ATP10B: variants seen among roughly 807,000 people sequenced by gnomAD.
The protein encoded by ATP10B is phospholipid-transporting ATPase VB.
Under a neutral mutation model 141.2 loss-of-function variants are expected in ATP10B, and 122 were observed. The ratio of observed to expected loss-of-function variants is 0.86; its 90% CI spans 0.75 to 1.00. The LOEUF is 1.00. ATP10B is among the 50% of genes least tolerant of loss of function. The pLI is 0.00. For missense variants in ATP10B, 1,876 were observed against 1,825.3 expected (o/e 1.03, Z -0.51); for synonymous variants, 685 against 692.0 (o/e 0.99, Z 0.16).
intron 2 of ATP10B, among the ~76,000 whole-genome samples, chr5:160,764,412 G>A (rs951976359): frequency 6.6e-6 from 1 of 151,996 alleles, no homozygotes; most frequent in African/African-American, 2.4e-5. Flanking sequence ...TTAACTATAC[G>A]CAAGTCAATA....
the ATP10B span, among the ~76,000 whole-genome samples, chr5:160,866,987 T>C: frequency 3.3e-5 from 5 of 152,118 alleles, no homozygotes; most frequent in Admixed American, 1.3e-4. Context: ...CAGTGTAGTA[T>C]TGTGGCTAGG....
intron 22 of ATP10B, among the ~76,000 whole-genome samples, chr5:160,595,180 T>C (rs527448281): frequency 1.3e-5 from 2 of 152,306 alleles, no homozygotes; most frequent in African/African-American, 2.4e-5. Context: ...ACAGAAATTA[T>C]AGCAAACTGT....
chr5:160,781,288 T>C (rs892919216), intron 2 of ATP10B, among the ~76,000 whole-genome samples: 1 of 152,196 alleles, frequency 6.6e-6, no homozygotes, highest in Non-Finnish European at 1.5e-5. Context: ...GTGCTGTGGA[T>C]GCTGTTGGTC....
intron 2 of ATP10B, among the ~76,000 whole-genome samples, chr5:160,727,034 C>CA (rs1278143666): frequency 1.3e-5 from 2 of 152,100 alleles, no homozygotes; most frequent in Non-Finnish European, 2.9e-5. Flanking sequence ...TCAGCTCTCC[C>CA]AAAAATGTAT....
intron 21 of ATP10B, among the ~76,000 whole-genome samples, chr5:160,601,781 G>T (rs1757111159): frequency 6.6e-6 from 1 of 152,148 alleles, no homozygotes; most frequent in Admixed American, 6.6e-5. Context: ...CTGGAGTCAG[G>T]TAAGACTACC....
chr5:160,860,834 C>G, the ATP10B span, among the ~76,000 whole-genome samples: 2 of 151,850 alleles, frequency 1.3e-5, no homozygotes, highest in Non-Finnish European at 2.9e-5. Flanking sequence ...CTATATTTTT[C>G]AAGAAACAAG....
At chr5:160,890,641 T>A in the ATP10B span, among the ~76,000 whole-genome samples, 2 of 152,234 alleles carry the variant, frequency 1.3e-5, no homozygotes, top group African/African-American at 4.8e-5. Context: ...CGAGCAACAT[T>A]CCATTGTACT....
intron 2 of ATP10B, among the ~76,000 whole-genome samples, chr5:160,779,786 G>C (rs1770595459): frequency 1.3e-5 from 2 of 152,170 alleles, no homozygotes; most frequent in African/African-American, 4.8e-5. Context: ...TTCATCAATA[G>C]ACAAATAAAG....
At chr5:160,928,928 G>A in the ATP10B span, among the ~76,000 whole-genome samples, 2 of 152,148 alleles carry the variant, frequency 1.3e-5, no homozygotes, top group African/African-American at 2.4e-5. Context: ...AAGGAACCAC[G>A]ACCACATAGA....
At chr5:160,925,347 C>T in the ATP10B span, among the ~76,000 whole-genome samples, 1 of 152,194 alleles carries the variant, frequency 6.6e-6, no homozygotes, top group African/African-American at 2.4e-5. Context: ...ACTATTTAAG[C>T]TCGTCATACC....
At chr5:160,900,912 T>TTTG in the ATP10B span, among the ~76,000 whole-genome samples, 242 of 62,582 alleles carry the variant, frequency 3.9e-3, 2 homozygotes, top group Non-Finnish European at 7.9e-3. Context: ...AGAGAAGTTT[T>TTTG]TTTTTTTTTT....
chr5:160,816,997 G>A (rs1195122766), intron 1 of ATP10B, among the ~76,000 whole-genome samples: 2 of 152,132 alleles, frequency 1.3e-5, no homozygotes, highest in Admixed American at 6.6e-5. Context: ...TTGAAGGGAC[G>A]TATATCAAAA....
At position 160,814,502 on chromosome 5, in the gene ATP10B, C is replaced by T. The variant is rs1002171120; in HGVS notation, c.-575-28699G>A. 2.6e-4 allele frequency among the ~76,000 whole-genome samples: 39 copies of T among 150,180 alleles called. 1 individual carries two copies. The highest frequency in any genetic ancestry group is 8.5e-4 in the African/African-American group (35 of 41,222). ...GGACTATGTGAAAAGACCAAATCTA[C>T]GTCTGATTGGCGTACCTGAAAGTGA... On this transcript the variant is annotated intron_variant, in intron 1 of 25. Coordinates refer to ENST00000327245, the MANE Select transcript of ATP10B (RefSeq NM_025153.3).
intron 2 of ATP10B, among the ~76,000 whole-genome samples, chr5:160,723,910 G>A (rs192098553): frequency 4.6e-4 from 70 of 152,192 alleles, no homozygotes; most frequent in Non-Finnish European, 9.4e-4. Context: ...ACTGGATAAA[G>A]AAAATATGGT....
chr5:160,829,934 T>TG (rs1333965210), intron 1 of ATP10B, among the ~76,000 whole-genome samples: 1 of 152,148 alleles, frequency 6.6e-6, no homozygotes, highest in African/African-American at 2.4e-5. Flanking sequence ...CCTATCCGGA[T>TG]GCCTTTTATT....
At chr5:160,684,631 C>T (rs1763639639) in intron 6 of ATP10B, among the ~76,000 whole-genome samples, 1 of 152,158 alleles carries the variant, frequency 6.6e-6, no homozygotes, top group Admixed American at 6.5e-5. Context: ...ATGATAAAGA[C>T]CTCCTAATTT....
intron 1 of ATP10B, among the ~76,000 whole-genome samples, chr5:160,815,375 A>G (rs1258642710): frequency 3.3e-5 from 5 of 152,240 alleles, no homozygotes; most frequent in Admixed American, 6.5e-5. Context: ...ATGAACAAAG[A>G]TCAAAAGAGA....
At chr5:160,603,825 G>A in intron 20 of ATP10B, 140 bp downstream of exon 20, 1 of 648,148 alleles carries the variant, frequency 1.5e-6, no homozygotes, top group Non-Finnish European at 2.8e-6. Flanking sequence ...ATGTCCTTAT[G>A]TCTGTCATTG....
chr5:160,873,791 T>C, the ATP10B span, among the ~76,000 whole-genome samples: 5,620 of 152,184 alleles, frequency 0.037, 159 homozygotes, highest in Non-Finnish European at 0.055. Flanking sequence ...CCAGGAAAAT[T>C]GGGTCACTCC....
Sources: allele counts gnomAD v4.1 joint callset (sites outside exome capture counted in the v4.1 genomes callset), GRCh38; gene constraint gnomAD v4.1.1; transcripts MANE v1.5; gene names NCBI Gene and HGNC (gene_info 2026-07-23, HGNC 2026-07-21).